The following ITIH1 variants were observed in gnomAD, a reference collection of about 807,000 sequenced individuals.
The protein encoded by ITIH1 is inter-alpha-trypsin inhibitor heavy chain 1.
In ITIH1, 94 loss-of-function variants were observed where a neutral mutation model predicts 104.6. The ratio of observed to expected loss-of-function variants is 0.90; its 90% confidence interval spans 0.76 to 1.07. ITIH1 has a LOEUF of 1.07. ITIH1 is among the 50% of genes least tolerant of loss of function. The probability of loss-of-function intolerance (pLI) is 0.00; values close to 1 mark genes in which losing one functional copy is unlikely to be tolerated. For missense variants in ITIH1, 1,193 were observed against 1,181.4 expected, an observed-to-expected ratio of 1.01 and a Z score of -0.14; for synonymous variants, 455 against 464.4, an observed-to-expected ratio of 0.98 and a Z score of 0.26.
chr3:52,781,718 C>G (rs533310222), intron 6 of ITIH1, among the ~76,000 whole-genome samples: 10 of 152,210 alleles, frequency 6.6e-5, no homozygotes, highest in African/African-American at 2.2e-4. Flanking sequence ...TGTAGAAAAT[C>G]CCAATGATTC....
Position 52,778,939 on chromosome 3 carries a change from C to T in ITIH1, c.306-3C>T. The T allele has an allele frequency of 6.2e-7, 1 of 1,604,908 alleles. No individual in the cohort carries two copies. The highest frequency in any genetic ancestry group is 1.1e-5 in the South Asian group (1 of 90,880). ...TCCTGAGGGTGTCCTTCCCTCCCTG[C>T]AGTACAGCAGATGGAAACGCATTTA... On this transcript the variant is annotated splice_polypyrimidine_tract_variant and splice_region_variant and intron_variant, in intron 3 of 21. Coordinates refer to ENST00000273283, the MANE Select transcript of ITIH1 (RefSeq NM_002215.4).
intron 19 of ITIH1, 36 bp downstream of exon 19, chr3:52,789,890 G>A: frequency 6.2e-7 from 1 of 1,601,722 alleles, no homozygotes; most frequent in African/African-American, 1.3e-5. Flanking sequence ...TGCAGGGGGA[G>A]GTGTGGCCTG....
At position 52,791,839 on chromosome 3, in the gene ITIH1, G is replaced by A; in HGVS notation, c.2664G>A (p.Trp888Ter). The stretch of plus-strand genomic sequence containing the variant: ...GGCATGGGGCCGAGGTGTCCTGCTG[G>A]TTCATTCACAACAATGGGGCTGGAC... ...DPWHGAEVSC[W>*]FIHNNGAGLI... Residue 888 changes from tryptophan (W) to a stop codon, truncating the protein, a stop_gained, in exon 22 of 22, where the codon TGG becomes TGA. Transcript: ENST00000273283. LOFTEE classifies it high-confidence loss of function. 1 of 1,614,182 alleles carries A rather than the reference G, an allele frequency of 6.2e-7. No homozygotes were observed. Among genetic ancestry groups the A allele is most frequent in the Admixed American group, 1.7e-5 (1 of 60,034 alleles).
rs1208087622 is a variant in ITIH1 at position 52,787,219 on chromosome 3, A to C, written c.1903+17A>C. On this transcript the variant is annotated intron_variant, in intron 15 of 21. Coordinates refer to ENST00000273283, the MANE Select transcript of ITIH1 (RefSeq NM_002215.4). ...CGCCTTTGGGTGAGTTTTAAATTGCATTAGTTTCAGTTCTGGGCTTCGGTA... is the reference window on the plus strand; with the variant it reads ...CGCCTTTGGGTGAGTTTTAAATTGCCTTAGTTTCAGTTCTGGGCTTCGGTA... 16 of 1,613,710 alleles carry C rather than the reference A, an allele frequency of 9.9e-6. No homozygotes were observed. Among genetic ancestry groups the C allele is most frequent in the Non-Finnish European group, 1.3e-5 (15 of 1,180,004 alleles).
chr3:52,780,469 A>C, intron 6 of ITIH1, 87 bp downstream of exon 6: 2 of 889,352 alleles, frequency 2.2e-6, no homozygotes, highest in Non-Finnish European at 3.5e-6. Context: ...GCCTTAGCCC[A>C]GAAACCAGGC....
rs1397614901 is a variant in ITIH1, at chr3:52,786,291, T to C, written c.1594-4T>C. 5 of 1,567,056 alleles carry C rather than the reference T, an allele frequency of 3.2e-6. No homozygotes were observed. The South Asian group carries it at 4.7e-5, about 15-fold the overall frequency. On this transcript the variant is annotated splice_region_variant and splice_polypyrimidine_tract_variant and intron_variant, in intron 12 of 21. Transcript: ENST00000273283. ...ACCACCCCTCTCTGTACCTCAACTC[T>C]CAGGAGGGACAAGAATTCAGTATAA...
Position 52,779,799 on chromosome 3 carries a change from G to A in ITIH1, c.573+205G>A, listed in dbSNP as rs898663437. On this transcript the variant is annotated intron_variant, in intron 5 of 21. Transcript: ENST00000273283. This position sits in a 1 kb window ranked among gnomAD's most constrained non-coding sequence, Gnocchi z 4.4. ...ACTTCCTCTTTATCTCTGAGCTTCG[G>A]TTTGCTCATCTGCTAGACGGGGGGT... 2 of 1,094,242 alleles carry A rather than the reference G, an allele frequency of 1.8e-6. No individual in the cohort carries two copies. The highest frequency in any genetic ancestry group is 1.6e-5 in the African/African-American group (1 of 63,162). 67.8% of individuals were successfully genotyped at this position (1,094,242 alleles called of 1,614,324 possible). A position where few individuals can be genotyped will look rare whatever the true frequency, so the allele number is the denominator to read the frequency against.
At chr3:52,778,115 A>G in intron 2 of ITIH1, 98 bp downstream of exon 2, 1 of 1,369,724 alleles carries the variant, frequency 7.3e-7, no homozygotes, top group Non-Finnish European at 1.0e-6. Context: ...TCAGGGCCAT[A>G]GGCATGGGGT....
chr3:52,781,208 T>TTTCTTCTTCTTCTTCTTC (rs56188215), intron 6 of ITIH1, among the ~76,000 whole-genome samples: 6 of 49,996 alleles, frequency 1.2e-4, no homozygotes, highest in Non-Finnish European at 1.5e-4. Flanking sequence ...TTTTTTTTTT[T>TTTCTTCTTCTTCTTCTTC]TTCTTCTTCT....
At position 52,789,873 on chromosome 3, in the gene ITIH1, G is replaced by A. The variant is rs1045696337; in HGVS notation, c.2321+19G>A. 6 of 1,612,458 alleles carry A rather than the reference G, an allele frequency of 3.7e-6. No homozygotes were observed. Among genetic ancestry groups the A allele is most frequent in the East Asian group, 2.3e-5 (1 of 44,432 alleles). ...AGGACGGGTAACCTGCCAGGGCCTG[G>A]GCAAGATGCAGGGGGAGGTGTGGCC... On this transcript the variant is annotated intron_variant, in intron 19 of 21. Coordinates refer to ENST00000273283, the MANE Select transcript of ITIH1 (RefSeq NM_002215.4).
chr3:52,789,987 G>C, intron 19 of ITIH1, 133 bp downstream of exon 19: 2 of 855,630 alleles, frequency 2.3e-6, no homozygotes, highest in Non-Finnish European at 3.7e-6. Context: ...AGACATGTCA[G>C]ACTCCATGGC....
Position 52,777,604 on chromosome 3 carries a change from G to A in ITIH1, c.-12G>A. 6.5e-7 allele frequency: 1 copy of A among 1,542,280 alleles called. No individual in the cohort carries two copies. Among genetic ancestry groups the A allele is most frequent in the Non-Finnish European group, 8.7e-7 (1 of 1,145,776 alleles). On this transcript the variant is annotated 5_prime_UTR_variant, in exon 1 of 22. Coordinates refer to ENST00000273283, the MANE Select transcript of ITIH1 (RefSeq NM_002215.4). ...TCTGACTGAGGTGACAGGGCAGCAG[G>A]AGCCTTAGAGCATGGACGGTGCCAT...
Position 52,777,643 on chromosome 3 carries a change from C to T in ITIH1, c.28C>T (p.Leu10=), listed in dbSNP as rs185185489. 64 of 1,598,120 alleles carry T rather than the reference C, an allele frequency of 4.0e-5. 1 individual carries two copies. In the Admixed American group the frequency reaches 4.4e-4, roughly 11 times the overall value. MDGAMGPRG[L]LLCMYLVSLL... ...GGACGGTGCCATGGGGCCTCGGGGG[C>T]TGCTGTTGTGCATGTACCTGGTATC... The change falls in exon 1 of 22, where the codon CTG becomes TTG. Residue 10 remains leucine (L), a synonymous_variant. Transcript: ENST00000273283.
chr3:52,791,941 C>G lies in ITIH1; in HGVS notation c.*30C>G, dbSNP rs747619540. ...TCTGGCCAGCACGCCTGTCCTCCCC[C>G]GGGGCCAAGGCAGAGGAGGAGGACG... On this transcript the variant is annotated 3_prime_UTR_variant, in exon 22 of 22. Transcript: ENST00000273283. The G allele has an allele frequency of 6.3e-7, 1 of 1,596,686 alleles. No individual in the cohort carries two copies. Among genetic ancestry groups the G allele is most frequent in the South Asian group, 1.1e-5 (1 of 88,638 alleles).
intron 8 of ITIH1, among the ~76,000 whole-genome samples, 185 bp downstream of exon 8, chr3:52,782,452 C>T (rs746039571): frequency 6.6e-6 from 1 of 152,148 alleles, no homozygotes; most frequent in East Asian, 1.9e-4. Flanking sequence ...ACTGTGCAGT[C>T]GTGAGGAAGT....
chr3:52,787,461 G>T, intron 15 of ITIH1, 131 bp from the exon 16 acceptor site: 1 of 1,128,920 alleles, frequency 8.9e-7, no homozygotes. Flanking sequence ...GAGGAGGCAG[G>T]ACCCCAGGGG....
In ITIH1 at chr3:52,790,823, T is replaced by C; in HGVS notation, c.2396T>C (p.Leu799Ser). 6.2e-7 allele frequency: 1 copy of C among 1,613,230 alleles called. No homozygotes were observed. The highest frequency in any genetic ancestry group is 8.5e-7 in the Non-Finnish European group (1 of 1,179,616). The change falls in exon 20 of 22, where the codon TTG becomes TCG. Residue 799 changes from leucine (L) to serine (S), a missense_variant. Physicochemically the swap from Leu to Ser is moderately radical, Grantham distance 145. Coordinates refer to ENST00000273283, the MANE Select transcript of ITIH1 (RefSeq NM_002215.4). ...VDDGGTFEVVLHRVWKGSSVH... is the reference protein window; with the variant it reads ...VDDGGTFEVVSHRVWKGSSVH... Reference sequence around the variant, plus strand: ...GACGGTGGCACCTTTGAGGTTGTTTTGCACCGAGTGTGGAAGGGGAGCTCG... The same window carrying C: ...GACGGTGGCACCTTTGAGGTTGTTTCGCACCGAGTGTGGAAGGGGAGCTCG...
intron 19 of ITIH1, chr3:52,790,529 G>A (rs1221978411): frequency 5.8e-6 from 3 of 520,672 alleles, no homozygotes; most frequent in Non-Finnish European, 1.0e-5. Flanking sequence ...ATTGAATGAT[G>A]CAGTTTGCAC....
At chr3:52,780,106 C>A in intron 5 of ITIH1, 163 bp from the exon 6 acceptor site, 1 of 921,738 alleles carries the variant, frequency 1.1e-6, no homozygotes, top group Non-Finnish European at 1.6e-6. Context: ...GAGTGGGAGC[C>A]CTGGTAGAGA....
Sources: allele counts gnomAD v4.1 joint callset (sites outside exome capture counted in the v4.1 genomes callset), GRCh38; gene constraint gnomAD v4.1.1; non-coding constraint Gnocchi (gnomAD v3.1); transcripts MANE v1.5; gene names NCBI Gene and HGNC (gene_info 2026-07-23, HGNC 2026-07-21).